Variants in ABCC1 observed in about 807,000 individuals in gnomAD.
ABCC1 encodes ATP binding cassette subfamily C member 1 (ABCC1 blood group).
ABCC1 carries 83 observed loss-of-function variants against 172.9 expected under a neutral mutation model. The observed-to-expected ratio is 0.48, with a 90% CI of 0.40 to 0.58. The LOEUF (loss-of-function observed/expected upper bound fraction) is 0.58. Ranked by LOEUF, ABCC1 falls within the 20% of genes least tolerant of loss-of-function variation. The pLI is 0.00. For missense variants in ABCC1, 1,817 were observed against 2,002.7 expected (o/e 0.91, Z 1.77); for synonymous variants, 937 against 825.2 (o/e 1.14, Z -2.32).
In ABCC1 at chr16:16,111,967, C is replaced by CT. The variant is rs576851404; in HGVS notation, c.3079+387dup. Among the ~76,000 whole-genome samples, 673 of 152,272 alleles carry CT rather than the reference C, an allele frequency of 4.4e-3. 7 individuals carry two copies. Among genetic ancestry groups the CT allele is most frequent in the Admixed American group, 0.012 (186 of 15,284 alleles). ...CCTGCTGAGTGAGGGCGGAAATTGGCTTATACTAGTAATTCCCAATTATGG... is the reference window on the plus strand; with the variant it reads ...CCTGCTGAGTGAGGGCGGAAATTGGCTTTATACTAGTAATTCCCAATTATGG... On this transcript the variant is annotated intron_variant, in intron 22 of 30. Transcript: ENST00000399410.
Position 16,125,925 on chromosome 16 carries a change from C to T in ABCC1, c.3819+14C>T. ...ACTGAGAAGGAGGTAGGCAAGGGCC[C>T]CTGGCTGGACCTCTTGGTCTTTGGT... On this transcript the variant is annotated intron_variant, in intron 26 of 30. Transcript: ENST00000399410. 5 of 1,597,056 alleles carry T rather than the reference C, an allele frequency of 3.1e-6. No individual in the cohort carries two copies. Among genetic ancestry groups the T allele is most frequent in the Non-Finnish European group, 4.3e-6 (5 of 1,165,286 alleles).
chr16:16,016,597 G>A lies in ABCC1; in HGVS notation c.591G>A (p.Leu197=). 1 of 1,614,098 alleles carries A rather than the reference G, an allele frequency of 6.2e-7. No homozygotes were observed. Among genetic ancestry groups the A allele is most frequent in the Non-Finnish European group, 8.5e-7 (1 of 1,180,032 alleles). The change falls in exon 5 of 31, where the codon CTG becomes CTA. Residue 197 remains leucine, a synonymous_variant. Coordinates refer to ENST00000399410, the MANE Select transcript of ABCC1 (RefSeq NM_004996.4). ...CCTGTTTCTCAGATCGCTCACCCCT[G>A]TTCTCGGAAACCATCCACGACCCTG... ...VLSCFSDRSP[L]FSETIHDPNP... is the part of the protein sequence containing the mutation.
intron 1 of ABCC1, among the ~76,000 whole-genome samples, chr16:15,954,518 T>G (rs1411291420): frequency 1.3e-5 from 2 of 151,788 alleles, no homozygotes; most frequent in African/African-American, 4.8e-5. Context: ...GTGAATGGCT[T>G]TGGGAGGAGA....
At chr16:16,101,130 C>T (rs1391364311) in intron 19 of ABCC1, among the ~76,000 whole-genome samples, 1 of 152,008 alleles carries the variant, frequency 6.6e-6, no homozygotes, top group South Asian at 2.1e-4. Flanking sequence ...CTCCCGGGTT[C>T]AAGCAATTCT....
intron 14 of ABCC1, among the ~76,000 whole-genome samples, chr16:16,074,548 C>T (rs1287684313): frequency 1.3e-5 from 2 of 152,186 alleles, no homozygotes; most frequent in East Asian, 3.8e-4. Flanking sequence ...GTGCCGCCCG[C>T]ACCCCAGCCC....
chr16:15,970,345 C>A (rs890196202), intron 1 of ABCC1, among the ~76,000 whole-genome samples: 1 of 152,184 alleles, frequency 6.6e-6, no homozygotes, highest in South Asian at 2.1e-4. Context: ...CGTCTCTCCT[C>A]GTCACATCCC....
intron 4 of ABCC1, among the ~76,000 whole-genome samples, chr16:16,015,305 A>G (rs951983549): frequency 2.6e-5 from 4 of 151,928 alleles, no homozygotes; most frequent in Non-Finnish European, 5.9e-5. Context: ...ATGCCCAGCT[A>G]ATTTTTGTAT....
rs376594469 is a variant in ABCC1, at chr16:16,134,450, T to A, written c.4067T>A (p.Ile1356Asn). Residue 1356 changes from isoleucine (I) to asparagine (N), a missense_variant, in exon 28 of 31, where the codon ATC becomes AAC. Physicochemically the swap from Ile to Asn is moderately radical, Grantham distance 149 (BLOSUM62 -3). Transcript: ENST00000399410. ...SAEGEIIIDG[I>N]NIAKIGLHDL... ...GAAGGAGAGATCATCATCGATGGCATCAACATCGCCAAGATCGGCCTGCAC... is the reference window on the plus strand; with the variant it reads ...GAAGGAGAGATCATCATCGATGGCAACAACATCGCCAAGATCGGCCTGCAC... The A allele has an allele frequency of 2.5e-6, 4 of 1,613,944 alleles. No individual in the cohort carries two copies. Among genetic ancestry groups the A allele is most frequent in the Non-Finnish European group, 3.4e-6 (4 of 1,180,010 alleles).
intron 18 of ABCC1, among the ~76,000 whole-genome samples, chr16:16,088,800 C>T (rs62032011): frequency 0.11 from 17,468 of 151,998 alleles, 1,069 homozygotes; most frequent in East Asian, 0.22. Context: ...TCCAGCTCCT[C>T]GGCTGAATCA....
Position 16,131,948 on chromosome 16 carries a change from C to T in ABCC1, c.3966+13C>T, listed in dbSNP as rs45616734. On this transcript the variant is annotated intron_variant, in intron 27 of 30. Coordinates refer to ENST00000399410, the MANE Select transcript of ABCC1 (RefSeq NM_004996.4). ...TGGGGGAGAAAAGGTGGGTACACAT[C>T]GCCCCATTCCCTCACCCATTCCCAG... 1,734 of 1,610,468 alleles carry T rather than the reference C, an allele frequency of 1.1e-3. 20 individuals are homozygous for T. In the African/African-American group the frequency reaches 0.019, roughly 18 times the overall value.
chr16:16,128,185 T>G (rs1439681582), intron 26 of ABCC1, among the ~76,000 whole-genome samples: 1 of 830 alleles, frequency 1.2e-3, no homozygotes, highest in Non-Finnish European at 0.02. Context: ...TGAATTCAGT[T>G]TTTTTTTTGT....
chr16:16,060,183 C>T (rs942064745), intron 12 of ABCC1, among the ~76,000 whole-genome samples: 2 of 151,122 alleles, frequency 1.3e-5, no homozygotes, highest in Non-Finnish European at 3.0e-5. Flanking sequence ...CAAAGCTGGT[C>T]ATCTCACCTC....
chr16:16,052,352 G>C (rs2049465034), intron 10 of ABCC1, among the ~76,000 whole-genome samples: 1 of 152,032 alleles, frequency 6.6e-6, no homozygotes. Context: ...CAGCTACTTT[G>C]GAGGCTGAAG....
At chr16:16,052,676 G>T in intron 10 of ABCC1, 48 bp from the exon 11 acceptor site, 1 of 1,594,646 alleles carries the variant, frequency 6.3e-7, no homozygotes. Flanking sequence ...TACGGGCCCT[G>T]TTTTCTTCTG....
intron 27 of ABCC1, among the ~76,000 whole-genome samples, chr16:16,134,025 C>T (rs541784498): frequency 1.3e-5 from 2 of 152,312 alleles, no homozygotes; most frequent in South Asian, 2.1e-4. Context: ...CTGATTATTA[C>T]TTAATAGTTT....
At position 16,014,574 on chromosome 16, in the gene ABCC1, C is replaced by A; in HGVS notation, c.435C>A (p.Ala145=). The A allele has an allele frequency of 3.1e-6, 5 of 1,614,060 alleles. No homozygotes were observed. The highest frequency in any genetic ancestry group is 3.4e-6 in the Non-Finnish European group (4 of 1,180,004). The change falls in exon 4 of 31, where the codon GCC becomes GCA. Residue 145 remains alanine, a synonymous_variant. Coordinates refer to ENST00000399410, the MANE Select transcript of ABCC1 (RefSeq NM_004996.4). ...TCATGCTCACTTTCTGGCTGGTAGCCCTAGTGTGTGCCCTAGCCATCCTGA... is the reference window on the plus strand; with the variant it reads ...TCATGCTCACTTTCTGGCTGGTAGCACTAGTGTGTGCCCTAGCCATCCTGA... The part of the protein sequence containing the change: ...SGIMLTFWLV[A]LVCALAILRS...
intron 15 of ABCC1, among the ~76,000 whole-genome samples, chr16:16,077,320 G>A (rs1286981603): frequency 6.6e-6 from 1 of 152,094 alleles, no homozygotes; most frequent in African/African-American, 2.4e-5. Context: ...AATTCATGGG[G>A]GTACTGCATG....
At chr16:15,992,112 G>T (rs984332160) in intron 1 of ABCC1, among the ~76,000 whole-genome samples, 1 of 151,966 alleles carries the variant, frequency 6.6e-6, no homozygotes, top group African/African-American at 2.4e-5. Flanking sequence ...GCTGTGAACC[G>T]TGTGCGCGAG....
Position 16,056,022 on chromosome 16 carries a change from G to A in ABCC1, c.1474-70G>A, listed in dbSNP as rs1412638996. 25 of 1,323,612 alleles carry A rather than the reference G, an allele frequency of 1.9e-5. 1 individual carries two copies. In the South Asian group the frequency reaches 3.0e-4, roughly 16 times the overall value. The allele number at this position is 1,323,612 out of a possible 1,614,324, so 82.0% of individuals were successfully genotyped here. On this transcript the variant is annotated intron_variant, in intron 11 of 30. Transcript: ENST00000399410. ...TATAATAAAGTTTATGAGAAAAATA[G>A]CTGGTGATGTTGAGTGATGGGCTGA...
Sources: gnomAD v4.1 joint callset for allele counts (sites outside exome capture counted in the v4.1 genomes callset) on GRCh38, gnomAD v4.1.1 for gene constraint, MANE v1.5 for transcripts, NCBI Gene and HGNC (gene_info 2026-07-23, HGNC 2026-07-21) for gene names.